SLC35F3: variants seen among roughly 807,000 people sequenced by gnomAD.
The protein encoded by SLC35F3 is solute carrier family 35 member F3.
Under a neutral mutation model 49.9 loss-of-function variants are expected in SLC35F3, and 25 were observed. The ratio of observed to expected loss-of-function variants is 0.50; its 90% CI spans 0.37 to 0.70. The LOEUF is 0.70. Ranked by LOEUF, SLC35F3 falls within the 30% of genes least tolerant of loss-of-function variation. The probability of loss-of-function intolerance (pLI) is 0.00; values close to 1 mark genes in which losing one functional copy is unlikely to be tolerated. For missense variants in SLC35F3, 525 were observed against 639.8 expected (o/e 0.82, Z 1.94); for synonymous variants, 275 against 265.4 (o/e 1.04, Z -0.35).
rs896028118 is a variant in SLC35F3, at chr1:234,231,196, A to G, written c.284-221A>G. Among the ~76,000 whole-genome samples the G allele has an allele frequency of 2.0e-5, 3 of 152,114 alleles. No homozygotes were observed. The highest frequency in any genetic ancestry group is 6.5e-5 in the Admixed American group (1 of 15,280). ...GGTGCTGACGCTGCCCGGCCCAGGGACCACACTTGGAGAGCCTCGGACCTG... is the reference window on the plus strand; with the variant it reads ...GGTGCTGACGCTGCCCGGCCCAGGGGCCACACTTGGAGAGCCTCGGACCTG... On this transcript the variant is annotated intron_variant, in intron 2 of 7. Transcript: ENST00000366618. The surrounding 1 kb of genome is among the most constrained non-coding windows in gnomAD (Gnocchi z 5.4).
At chr1:234,108,741 T>TAC (rs1665347367) in intron 2 of SLC35F3, among the ~76,000 whole-genome samples, 1 of 106,686 alleles carries the variant, frequency 9.4e-6, no homozygotes, top group South Asian at 2.9e-4. Context: ...ATATATCTTT[T>TAC]ATATATAAAA....
At chr1:234,083,159 A>G (rs908758134) in intron 2 of SLC35F3, among the ~76,000 whole-genome samples, 1 of 152,164 alleles carries the variant, frequency 6.6e-6, no homozygotes, top group Non-Finnish European at 1.5e-5. Context: ...TTTGGGGCAC[A>G]CAGAAGTCTG....
At chr1:234,003,247 A>T (rs1176811907) in intron 2 of SLC35F3, among the ~76,000 whole-genome samples, 2 of 151,744 alleles carry the variant, frequency 1.3e-5, no homozygotes, top group Non-Finnish European at 2.9e-5. Context: ...GCTTCTAGGG[A>T]TGCTGGAGAA....
At chr1:234,153,799 C>T (rs964096931) in intron 2 of SLC35F3, among the ~76,000 whole-genome samples, 29 of 151,494 alleles carry the variant, frequency 1.9e-4, no homozygotes, top group African/African-American at 6.6e-4. Context: ...GGGGGCCGGA[C>T]GCAGTGGCTC....
chr1:234,084,129 G>A (rs1198834706), intron 2 of SLC35F3, among the ~76,000 whole-genome samples: 5 of 151,924 alleles, frequency 3.3e-5, no homozygotes, highest in African/African-American at 2.4e-5. Flanking sequence ...GTGAGCCACC[G>A]TGCCTGGCCA....
chr1:233,968,519 A>G (rs886682619), intron 2 of SLC35F3, among the ~76,000 whole-genome samples: 6 of 150,070 alleles, frequency 4.0e-5, no homozygotes, highest in African/African-American at 7.4e-5. Flanking sequence ...AGACAGTTTC[A>G]CTCTGTCACC....
At chr1:233,995,772 A>G (rs1937262) in intron 2 of SLC35F3, among the ~76,000 whole-genome samples, 41,870 of 151,982 alleles carry the variant, frequency 0.28, 6,021 homozygotes, top group East Asian at 0.49. Context: ...TTCAAAAGTC[A>G]GTGAGCCTGT....
At position 234,105,297 on chromosome 1, in the gene SLC35F3, C is replaced by A. The variant is rs1665269467; in HGVS notation, c.284-126120C>A. On this transcript the variant is annotated intron_variant, in intron 2 of 7. Transcript: ENST00000366618. ...CCTCCCAGAGAATGGAGTCAATGAT[C>A]AAGATGAACAATTGACTGGGGAAGC... 6.6e-5 allele frequency among the ~76,000 whole-genome samples: 10 copies of A among 152,212 alleles called. No homozygotes were observed. In the South Asian group the frequency reaches 2.1e-3, roughly 32 times the overall value.
intron 2 of SLC35F3, among the ~76,000 whole-genome samples, chr1:234,192,682 A>T (rs1353836641): frequency 6.6e-6 from 1 of 152,080 alleles, no homozygotes; most frequent in Non-Finnish European, 1.5e-5. Context: ...TATAATCGTA[A>T]ACCTAGAAAA....
At chr1:234,175,662 CAA>C (rs35257762) in intron 2 of SLC35F3, among the ~76,000 whole-genome samples, 26 of 98,676 alleles carry the variant, frequency 2.6e-4, no homozygotes, top group African/African-American at 6.1e-4. Flanking sequence ...GACCCTGTCT[CAA>C]AAAAAAAAAA....
intron 2 of SLC35F3, among the ~76,000 whole-genome samples, chr1:234,216,447 G>T (rs911187424): frequency 6.6e-6 from 1 of 152,290 alleles, no homozygotes; most frequent in East Asian, 1.9e-4. Context: ...CGAGGCACAG[G>T]TACTTCCCTA....
At chr1:234,297,157 G>T (rs912272611) in intron 3 of SLC35F3, among the ~76,000 whole-genome samples, 10 of 152,304 alleles carry the variant, frequency 6.6e-5, no homozygotes, top group African/African-American at 2.2e-4. Flanking sequence ...GACAACAAGT[G>T]TTAGTGATAA....
At chr1:234,041,723 G>T (rs941014158) in intron 2 of SLC35F3, among the ~76,000 whole-genome samples, 3 of 152,142 alleles carry the variant, frequency 2.0e-5, no homozygotes, top group Non-Finnish European at 2.9e-5. Context: ...ACTTGAAGGT[G>T]AATGAGATTA....
At chr1:234,071,513 C>A (rs947012606) in intron 2 of SLC35F3, among the ~76,000 whole-genome samples, 2 of 152,164 alleles carry the variant, frequency 1.3e-5, no homozygotes, top group African/African-American at 4.8e-5. Flanking sequence ...GTTTCCAAAT[C>A]TTTGCCATTT....
intron 2 of SLC35F3, among the ~76,000 whole-genome samples, chr1:233,987,615 A>T (rs1359501098): frequency 1.3e-5 from 2 of 152,184 alleles, no homozygotes; most frequent in Non-Finnish European, 2.9e-5. Flanking sequence ...TGTGACTTTT[A>T]AAATGATTTT....
At chr1:234,063,576 T>G (rs1408605867) in intron 2 of SLC35F3, among the ~76,000 whole-genome samples, 1 of 152,114 alleles carries the variant, frequency 6.6e-6, no homozygotes, top group Non-Finnish European at 1.5e-5. Flanking sequence ...CCAATAAAAC[T>G]TGTTTAATCC....
rs1420423619 is a variant in SLC35F3, at chr1:233,904,997, G to A, written c.-81G>A. The A allele has an allele frequency of 6.8e-6, 10 of 1,481,218 alleles. No individual in the cohort carries two copies. Among genetic ancestry groups the A allele is most frequent in the Non-Finnish European group, 8.3e-6 (9 of 1,089,270 alleles). The allele number at this position is 1,481,218 out of a possible 1,614,324, so 91.8% of individuals were successfully genotyped here. The stretch of plus-strand genomic sequence containing the variant: ...TGGGCAGCGCACTCCAGTCTTCCCA[G>A]GCTAGCGGCTGCAGGGAGCTCCGGC... On this transcript the variant is annotated 5_prime_UTR_variant, in exon 1 of 8. Transcript: ENST00000366618.
At chr1:234,253,457 T>TA (rs59259237) in intron 3 of SLC35F3, among the ~76,000 whole-genome samples, 143,987 of 147,900 alleles carry the variant, frequency 0.97, 70,076 homozygotes, top group South Asian at 0.99. Context: ...CATTTGAATT[T>TA]AAAAAAAAAA....
At chr1:233,980,774 T>C (rs1176342460) in intron 2 of SLC35F3, among the ~76,000 whole-genome samples, 6 of 152,238 alleles carry the variant, frequency 3.9e-5, no homozygotes, top group Non-Finnish European at 1.5e-5. Flanking sequence ...TCCCTTCACA[T>C]CGTACTGTCA....
Sources: allele counts gnomAD v4.1 joint callset (sites outside exome capture counted in the v4.1 genomes callset), GRCh38; gene constraint gnomAD v4.1.1; non-coding constraint Gnocchi (gnomAD v3.1); transcripts MANE v1.5; gene names NCBI Gene and HGNC (gene_info 2026-07-23, HGNC 2026-07-21).